Variants in KRCC1 observed in about 807,000 individuals in gnomAD.
The protein encoded by KRCC1 is lysine rich coiled-coil 1.
Under a neutral mutation model 7.4 loss-of-function variants are expected in KRCC1, and 3 were observed. The ratio of observed to expected loss-of-function variants is 0.40; its 90% CI spans 0.18 to 1.04. KRCC1 has a LOEUF of 1.04. Among genes scored for constraint, KRCC1 ranks in the 50% least tolerant of loss-of-function variants. The pLI is 0.33. For missense variants in KRCC1, 277 were observed against 300.9 expected, an observed-to-expected ratio of 0.92 and a Z score of 0.59; for synonymous variants, 102 against 101.6, an observed-to-expected ratio of 1.00 and a Z score of -0.02.
chr2:88,054,391 C>T (rs1558839014), intron 1 of KRCC1, among the ~76,000 whole-genome samples: 1 of 152,190 alleles, frequency 6.6e-6, no homozygotes, highest in Non-Finnish European at 1.5e-5. Context: ...AAAAAGGGCT[C>T]ACAACTACGA....
Position 88,027,902 on chromosome 2 carries a change from T to C in KRCC1, c.662A>G (p.Lys221Arg). Residue 221 changes from lysine (K) to arginine (R), a missense_variant, in exon 4 of 4, where the codon AAA (lysine) becomes AGA (arginine). Lys to Arg is a conservative substitution (Grantham distance 26, BLOSUM62 2). Transcript: ENST00000347055. Reference sequence around the variant, plus strand: ...TTTCTTAGAGACTACATCTCGGCTTTTTTTCTCCTTTCGATTCTTAAGCTT... The same window carrying C: ...TTTCTTAGAGACTACATCTCGGCTTCTTTTCTCCTTTCGATTCTTAAGCTT... ...TEKLKNRKEK[K>R]SRDVVSKKEE... 1 of 1,614,096 alleles carries C rather than the reference T, an allele frequency of 6.2e-7. No homozygotes were observed. The highest frequency in any genetic ancestry group is 8.5e-7 in the Non-Finnish European group (1 of 1,180,030).
intron 1 of KRCC1, among the ~76,000 whole-genome samples, chr2:88,044,011 G>A (rs949543689): frequency 6.6e-6 from 1 of 151,930 alleles, no homozygotes; most frequent in African/African-American, 2.4e-5. Context: ...GAACTCTATG[G>A]GCTCAGTACA....
chr2:88,038,376 T>C (rs1673137627), intron 1 of KRCC1, among the ~76,000 whole-genome samples: 1 of 152,200 alleles, frequency 6.6e-6, no homozygotes, highest in South Asian at 2.1e-4. Context: ...AGATTAGCTG[T>C]AGTAAATAAA....
intron 1 of KRCC1, among the ~76,000 whole-genome samples, chr2:88,037,519 C>T (rs1449444266): frequency 6.6e-6 from 1 of 152,196 alleles, no homozygotes; most frequent in Non-Finnish European, 1.5e-5. Flanking sequence ...CGTGATTCTC[C>T]TGCCTCAGCT....
intron 1 of KRCC1, among the ~76,000 whole-genome samples, chr2:88,052,996 G>C (rs1225037733): frequency 1.3e-5 from 2 of 152,012 alleles, no homozygotes; most frequent in Admixed American, 1.3e-4. Context: ...AGACTTTAGG[G>C]ATTTTCATCT....
intron 1 of KRCC1, among the ~76,000 whole-genome samples, chr2:88,040,830 G>T (rs1254752478): frequency 6.6e-6 from 1 of 152,136 alleles, no homozygotes. Flanking sequence ...TTGGTGAGGG[G>T]TTTGTGGTAA....
Position 88,055,653 on chromosome 2 carries a change from C to G in KRCC1, c.-318G>C, listed in dbSNP as rs896244761. On this transcript the variant is annotated 5_prime_UTR_variant, in exon 1 of 4. Transcript: ENST00000347055. ...TCTCTGAGGCAGGGGCGGGCGTCTA[C>G]AACTACTGTCCCCCGCCCCGCCAAC... 6.6e-6 allele frequency: 1 copy of G among 152,286 alleles called. No homozygotes were observed. The highest frequency in any genetic ancestry group is 1.5e-5 in the Non-Finnish European group (1 of 68,212). The allele number at this position is 152,286 out of a possible 1,614,324, so 9.4% of individuals were successfully genotyped here.
At chr2:88,048,778 A>C (rs1411674755) in intron 1 of KRCC1, among the ~76,000 whole-genome samples, 1 of 152,218 alleles carries the variant, frequency 6.6e-6, no homozygotes. Flanking sequence ...GAGTTCTGTA[A>C]TCCAATACTA....
At chr2:88,040,012 T>G (rs923763338) in intron 1 of KRCC1, among the ~76,000 whole-genome samples, 1 of 151,976 alleles carries the variant, frequency 6.6e-6, no homozygotes, top group Non-Finnish European at 1.5e-5. Context: ...CAAAAATAAA[T>G]CTTTAATAAG....
chr2:88,042,658 C>T lies in KRCC1; in HGVS notation c.-290-5607G>A, dbSNP rs990107506. Among the ~76,000 whole-genome samples, 11 of 152,136 alleles carry T rather than the reference C, an allele frequency of 7.2e-5. No individual in the cohort carries two copies. In the East Asian group the frequency reaches 1.2e-3, roughly 16 times the overall value. On this transcript the variant is annotated intron_variant, in intron 1 of 3. Transcript: ENST00000347055. The stretch of plus-strand genomic sequence containing the variant: ...CTGGTCTTGATCTCCTGGCCTCAAG[C>T]GATCCTCCTCCCTTGGTCTCCCCAA...
At chr2:88,030,571 C>A (rs978051583) in intron 3 of KRCC1, among the ~76,000 whole-genome samples, 1 of 151,934 alleles carries the variant, frequency 6.6e-6, no homozygotes, top group Non-Finnish European at 1.5e-5. Context: ...CACTGATCAG[C>A]AAGTAAATGT....
intron 3 of KRCC1, 57 bp from the exon 4 acceptor site, chr2:88,028,642 C>CTATTT: frequency 5.9e-6 from 4 of 682,122 alleles, no homozygotes; most frequent in Non-Finnish European, 8.7e-6. Flanking sequence ...ATTTCCTTTG[C>CTATTT]TCTTTTTTTT....
chr2:88,034,100 A>G (rs1048026603), intron 3 of KRCC1, 34 bp downstream of exon 3: 3 of 152,668 alleles, frequency 2.0e-5, no homozygotes, highest in African/African-American at 7.2e-5. Flanking sequence ...GATGGCACAG[A>G]GATGAATAAA....
At chr2:88,053,108 A>T (rs766566987) in intron 1 of KRCC1, among the ~76,000 whole-genome samples, 1 of 151,814 alleles carries the variant, frequency 6.6e-6, no homozygotes, top group Non-Finnish European at 1.5e-5. Flanking sequence ...GCATTATCAG[A>T]GGTCTTCTCG....
At chr2:88,030,612 C>A (rs1672974326) in intron 3 of KRCC1, among the ~76,000 whole-genome samples, 2 of 152,142 alleles carry the variant, frequency 1.3e-5, no homozygotes, top group African/African-American at 2.4e-5. Flanking sequence ...TACCACTATG[C>A]ACTTACCAGA....
chr2:88,046,056 C>CT, intron 1 of KRCC1, among the ~76,000 whole-genome samples: 1 of 152,208 alleles, frequency 6.6e-6, no homozygotes, highest in South Asian at 2.1e-4. Flanking sequence ...GGAGTTTAAA[C>CT]TTTTTTTGGA....
Position 88,027,634 on chromosome 2 carries a change from G to A in KRCC1, c.*150C>T, listed in dbSNP as rs765923601. On this transcript the variant is annotated 3_prime_UTR_variant, in exon 4 of 4. Coordinates refer to ENST00000347055, the MANE Select transcript of KRCC1 (RefSeq NM_016618.3). ...GGAAAAGCAATTTCTGTGTTGGAGA[G>A]CAAGCATGCTAAACACTTTGTTTAC... 7.3e-5 allele frequency: 42 copies of A among 577,496 alleles called. No individual in the cohort carries two copies. Among genetic ancestry groups the A allele is most frequent in the Non-Finnish European group, 1.2e-4 (40 of 344,192 alleles). 35.8% of individuals were successfully genotyped at this position (577,496 alleles called of 1,614,324 possible).
chr2:88,049,053 T>G (rs1673408769), intron 1 of KRCC1, among the ~76,000 whole-genome samples: 1 of 152,208 alleles, frequency 6.6e-6, no homozygotes. Flanking sequence ...GATCTACAGT[T>G]TGCCATGTTC....
intron 1 of KRCC1, among the ~76,000 whole-genome samples, chr2:88,041,682 CTT>C (rs1673213590): frequency 1.3e-5 from 2 of 152,224 alleles, no homozygotes; most frequent in African/African-American, 4.8e-5. Context: ...TTGTAGAAAT[CTT>C]TCCTCAGAAA....
Sources: gnomAD v4.1 joint callset for allele counts (sites outside exome capture counted in the v4.1 genomes callset) on GRCh38, gnomAD v4.1.1 for gene constraint, MANE v1.5 for transcripts, NCBI Gene and HGNC (gene_info 2026-07-23, HGNC 2026-07-21) for gene names.